Variants in VPS13B observed in about 807,000 individuals in gnomAD.
The protein encoded by VPS13B is intermembrane lipid transfer protein VPS13B.
In VPS13B, 285 loss-of-function variants were observed where a neutral mutation model predicts 426.4. That is an observed-to-expected ratio of 0.67 (90% CI 0.61 to 0.74). The LOEUF (loss-of-function observed/expected upper bound fraction) is 0.74, where lower values mean the gene tolerates loss of function less well. Among genes scored for constraint, VPS13B ranks in the 30% least tolerant of loss-of-function variants. The pLI, the probability that VPS13B is intolerant of heterozygous loss-of-function variation, is 0.00. For synonymous variants in VPS13B, 1,676 were observed against 1,676.4 expected (o/e 1.00, Z 0.01); for missense variants, 4,537 against 4,782.6 (o/e 0.95, Z 1.51).
Position 99,115,694 on chromosome 8 carries a change from A to C in VPS13B, c.763-6A>C. The C allele has an allele frequency of 6.2e-7, 1 of 1,612,230 alleles. No individual in the cohort carries two copies. Among genetic ancestry groups the C allele is most frequent in the Middle Eastern group, 1.7e-4 (1 of 6,032 alleles). Reference sequence around the variant, plus strand: ...TTGTTGGTGTTATGTCTTTTTCAAAATGCAGATTCATACTTTAGTGGAAAG... The same window carrying C: ...TTGTTGGTGTTATGTCTTTTTCAAACTGCAGATTCATACTTTAGTGGAAAG... On this transcript the variant is annotated splice_region_variant and splice_polypyrimidine_tract_variant and intron_variant, in intron 6 of 61. Transcript: ENST00000357162.
rs189634147 is a variant in VPS13B at position 99,493,714 on chromosome 8, G to A, written c.3871-7973G>A. ...GGAGAATCACTTGAACCTGGGAGGC[G>A]GAGGTTGCAGTGAGCTGAGATCGTG... On this transcript the variant is annotated intron_variant, in intron 25 of 61. Coordinates refer to ENST00000357162, the MANE Select transcript of VPS13B (RefSeq NM_152564.5). 3.1e-4 allele frequency among the ~76,000 whole-genome samples: 47 copies of A among 151,080 alleles called. No individual in the cohort carries two copies. In the East Asian group the frequency reaches 5.1e-3, roughly 16 times the overall value.
intron 55 of VPS13B, 131 bp downstream of exon 55, chr8:99,849,025 A>G: frequency 1.1e-6 from 1 of 886,888 alleles, no homozygotes. Flanking sequence ...TAATCCATAA[A>G]AAATATGGTT....
rs187843792 is a variant in VPS13B at position 99,697,583 on chromosome 8, G to A, written c.6047-1942G>A. 17 of 671,648 alleles carry A rather than the reference G, an allele frequency of 2.5e-5. No homozygotes were observed. In the East Asian group the frequency reaches 4.4e-4, roughly 17 times the overall value. The allele number at this position is 671,648 out of a possible 1,614,324, so 41.6% of individuals were successfully genotyped here. ...CGAGAACATGCAAGAGATCAAGAAGGAACTCTCAAAGACTGGTAGGTGAAG... is the reference window on the plus strand; with the variant it reads ...CGAGAACATGCAAGAGATCAAGAAGAAACTCTCAAAGACTGGTAGGTGAAG... On this transcript the variant is annotated intron_variant, in intron 35 of 61. Coordinates refer to ENST00000357162, the MANE Select transcript of VPS13B (RefSeq NM_152564.5).
At position 99,116,778 on chromosome 8, in the gene VPS13B, T is replaced by G. The variant is rs937210641; in HGVS notation, c.937+904T>G. Among the ~76,000 whole-genome samples the G allele has an allele frequency of 3.3e-5, 5 of 152,308 alleles. No homozygotes were observed. The East Asian group carries it at 9.6e-4, about 29-fold the overall frequency. Reference sequence around the variant, plus strand: ...AAGTTGAAGTAGTATACCTCAAGATTTCCTAGTAAATAATAGTATTGGTAA... The same window carrying G: ...AAGTTGAAGTAGTATACCTCAAGATGTCCTAGTAAATAATAGTATTGGTAA... On this transcript the variant is annotated intron_variant, in intron 7 of 61. Transcript: ENST00000357162.
chr8:99,762,972 T>C (rs1462044094), intron 39 of VPS13B, among the ~76,000 whole-genome samples: 2 of 151,106 alleles, frequency 1.3e-5, no homozygotes, highest in African/African-American at 4.9e-5. Flanking sequence ...ACCGTGTCTC[T>C]ATAAAAAATA....
intron 39 of VPS13B, among the ~76,000 whole-genome samples, chr8:99,735,742 C>T (rs765861892): frequency 1.3e-5 from 2 of 152,074 alleles, no homozygotes; most frequent in African/African-American, 4.8e-5. Context: ...AAAGGAAGGC[C>T]GTGGAGGCAA....
intron 19 of VPS13B, among the ~76,000 whole-genome samples, chr8:99,363,246 C>T (rs974196285): frequency 1.3e-5 from 2 of 152,178 alleles, no homozygotes; most frequent in African/African-American, 4.8e-5. Flanking sequence ...GTTTTCCCAG[C>T]ACCATTCATT....
chr8:99,450,667 T>G (rs1021547643), intron 23 of VPS13B, among the ~76,000 whole-genome samples: 1 of 152,150 alleles, frequency 6.6e-6, no homozygotes, highest in Non-Finnish European at 1.5e-5. Flanking sequence ...GAGCCAAGAT[T>G]GTGCCACCAC....
At chr8:99,850,362 CGCATGTA>C (rs1816220176) in intron 55 of VPS13B, among the ~76,000 whole-genome samples, 1 of 146,592 alleles carries the variant, frequency 6.8e-6, no homozygotes, top group African/African-American at 2.6e-5. Context: ...TACATAAGTA[CGCATGTA>C]TGTACTTATA....
intron 2 of VPS13B, 71 bp from the exon 3 acceptor site, chr8:99,038,352 A>C: frequency 7.7e-7 from 1 of 1,292,918 alleles, no homozygotes; most frequent in Non-Finnish European, 1.1e-6. Context: ...TTTTTTAAAA[A>C]AGAAATTTGC....
rs1843389345 is a variant in VPS13B at position 99,049,164 on chromosome 8, T to C, written c.291+10598T>C. ...TTAGGCCATTTACATTCAACATTAG[T>C]ATTGAGATGTGAGATACCATTCCAT... is the stretch of plus-strand genomic sequence containing the variant. On this transcript the variant is annotated intron_variant, in intron 3 of 61. Coordinates refer to ENST00000357162, the MANE Select transcript of VPS13B (RefSeq NM_152564.5). Among the ~76,000 whole-genome samples, 3 of 152,188 alleles carry C rather than the reference T, an allele frequency of 2.0e-5. No individual in the cohort carries two copies. The South Asian group carries it at 6.2e-4, about 32-fold the overall frequency.
At chr8:99,350,672 T>A (rs574558044) in intron 19 of VPS13B, among the ~76,000 whole-genome samples, 5 of 152,100 alleles carry the variant, frequency 3.3e-5, no homozygotes, top group Non-Finnish European at 7.4e-5. Flanking sequence ...AGTAATTACA[T>A]AGATAAATAG....
chr8:99,338,442 A>G (rs1373824223), intron 19 of VPS13B, among the ~76,000 whole-genome samples: 2 of 152,068 alleles, frequency 1.3e-5, no homozygotes, highest in African/African-American at 4.8e-5. Context: ...TACCCACAGA[A>G]TATTTTTCTA....
At chr8:99,570,031 G>A (rs1334900414) in intron 31 of VPS13B, among the ~76,000 whole-genome samples, 1 of 152,082 alleles carries the variant, frequency 6.6e-6, no homozygotes, top group Non-Finnish European at 1.5e-5. Context: ...TTTTATTGGA[G>A]TACATCAGCG....
intron 17 of VPS13B, among the ~76,000 whole-genome samples, chr8:99,207,889 T>A (rs527755167): frequency 6.6e-6 from 1 of 152,336 alleles, no homozygotes; most frequent in African/African-American, 2.4e-5. Flanking sequence ...TGGGAGCAGA[T>A]AGCTAACAAG....
rs150236318 is a variant in VPS13B, at chr8:99,444,358, A to G, written c.3445+1723A>G. 6.2e-4 allele frequency among the ~76,000 whole-genome samples: 94 copies of G among 152,270 alleles called. 2 individuals are homozygous for G. Among genetic ancestry groups the G allele is most frequent in the African/African-American group, 1.9e-3 (81 of 41,556 alleles). On this transcript the variant is annotated intron_variant, in intron 23 of 61. Coordinates refer to ENST00000357162, the MANE Select transcript of VPS13B (RefSeq NM_152564.5). ...GTGATCCACCCGCCTTGGTCTCCCA[A>G]AGTGTTGGGATTACAGGCGTGAGCC...
chr8:99,775,293 G>A (rs1334705071), intron 40 of VPS13B, among the ~76,000 whole-genome samples: 4 of 152,166 alleles, frequency 2.6e-5, no homozygotes, highest in African/African-American at 9.7e-5. Flanking sequence ...CTAGGATACT[G>A]TAAATGACAT....
chr8:99,479,364 T>TA (rs1165419690), intron 24 of VPS13B, among the ~76,000 whole-genome samples: 1 of 152,216 alleles, frequency 6.6e-6, no homozygotes, highest in Non-Finnish European at 1.5e-5. Context: ...CAGCATTCAA[T>TA]ACACAAGACA....
At chr8:99,755,245 TC>T (rs1411405750) in intron 39 of VPS13B, among the ~76,000 whole-genome samples, 1 of 151,998 alleles carries the variant, frequency 6.6e-6, no homozygotes, top group African/African-American at 2.4e-5. Context: ...GCGCCAGAGC[TC>T]AAAGAGCCCT....
Sources: allele counts gnomAD v4.1 joint callset (sites outside exome capture counted in the v4.1 genomes callset), GRCh38; gene constraint gnomAD v4.1.1; transcripts MANE v1.5; gene names NCBI Gene and HGNC (gene_info 2026-07-23, HGNC 2026-07-21).